Variants in NREP observed in about 807,000 individuals in gnomAD.
NREP encodes neuronal regeneration-related protein.
In NREP, 5 loss-of-function variants were observed where a neutral mutation model predicts 8.6. The ratio of observed to expected loss-of-function variants is 0.58; its 90% confidence interval spans 0.30 to 1.22. The LOEUF (loss-of-function observed/expected upper bound fraction) is 1.22. Ranked by LOEUF, NREP falls within the 50% of genes most tolerant of loss-of-function variation. The probability of loss-of-function intolerance (pLI) is 0.07; values close to 1 mark genes in which losing one functional copy is unlikely to be tolerated. For missense variants in NREP, 86 were observed against 82.5 expected (o/e 1.04, Z -0.17); for synonymous variants, 27 against 28.0 (o/e 0.96, Z 0.11).
At chr5:111,734,301 G>C (rs1394510697) in intron 3 of NREP, 2 of 157,520 alleles carry the variant, frequency 1.3e-5, no homozygotes, top group Non-Finnish European at 2.8e-5. Flanking sequence ...AATGTCTGTG[G>C]TTATACTGCT....
At position 111,788,022 on chromosome 5, in the gene NREP, G is replaced by C. The variant is rs543539414; in HGVS notation, c.136-52515C>G. Among the ~76,000 whole-genome samples, 7 of 152,124 alleles carry C rather than the reference G, an allele frequency of 4.6e-5. No homozygotes were observed. In the East Asian group the frequency reaches 7.7e-4, roughly 17 times the overall value. ...CTGGGAGGATTGTTTGAGCCCAGGAGGGGGAGTCTGCTGTAAACCATGATT... is the reference window on the plus strand; with the variant it reads ...CTGGGAGGATTGTTTGAGCCCAGGACGGGGAGTCTGCTGTAAACCATGATT... On this transcript the variant is annotated intron_variant, in intron 2 of 3. Coordinates refer to the NREP transcript ENST00000395634.
At chr5:111,814,195 G>T (rs985186944) in intron 2 of NREP, among the ~76,000 whole-genome samples, 3 of 152,068 alleles carry the variant, frequency 2.0e-5, no homozygotes, top group African/African-American at 4.8e-5. Flanking sequence ...AATGTCCTTA[G>T]ATTATTTGAT....
intron 2 of NREP, among the ~76,000 whole-genome samples, chr5:111,859,150 C>T (rs545035640): frequency 6.6e-6 from 1 of 152,238 alleles, no homozygotes; most frequent in East Asian, 1.9e-4. Flanking sequence ...ATTCCCAGTA[C>T]TTCAAATTAT....
chr5:111,954,377 T>G (rs1241975406), intron 2 of NREP, among the ~76,000 whole-genome samples: 1 of 152,160 alleles, frequency 6.6e-6, no homozygotes, highest in Non-Finnish European at 1.5e-5. Context: ...AGGAAATGCT[T>G]CACTGCACAC....
chr5:111,782,511 T>C (rs974582396), intron 2 of NREP, among the ~76,000 whole-genome samples: 10 of 152,212 alleles, frequency 6.6e-5, no homozygotes, highest in African/African-American at 2.2e-4. Context: ...CTCTTACATT[T>C]TGGGTATTTA....
At chr5:111,843,577 T>C (rs933111934) in intron 2 of NREP, among the ~76,000 whole-genome samples, 17 of 152,154 alleles carry the variant, frequency 1.1e-4, no homozygotes, top group African/African-American at 4.1e-4. Flanking sequence ...CGGGGCTTTA[T>C]TTTGTTCGTT....
intron 2 of NREP, among the ~76,000 whole-genome samples, chr5:111,922,716 G>A (rs1755279700): frequency 6.6e-6 from 1 of 152,174 alleles, no homozygotes; most frequent in Admixed American, 6.5e-5. Context: ...TTGGTGAAGA[G>A]TCTTAAGGAC....
At chr5:111,824,266 G>A (rs1752572519) in intron 2 of NREP, among the ~76,000 whole-genome samples, 2 of 152,340 alleles carry the variant, frequency 1.3e-5, no homozygotes, top group Non-Finnish European at 2.9e-5. Flanking sequence ...CTACTCGGGA[G>A]GCTGAGGCAG....
chr5:111,751,308 C>T (rs1750348495), intron 2 of NREP, among the ~76,000 whole-genome samples: 1 of 152,132 alleles, frequency 6.6e-6, no homozygotes, highest in South Asian at 2.1e-4. Context: ...TAGAATTTAG[C>T]TGAGAGCCGT....
chr5:111,728,804 A>G (rs1748315172), downstream of NREP: 1 of 152,052 alleles, frequency 6.6e-6, no homozygotes, highest in African/African-American at 2.4e-5. Flanking sequence ...AGCCTTAATG[A>G]CTTTAAATTC....
At chr5:111,845,991 C>A in intron 2 of NREP, 1 of 153,248 alleles carries the variant, frequency 6.5e-6, no homozygotes, top group Non-Finnish European at 1.5e-5. Context: ...AAAAGTACCA[C>A]CAGCTAGAAT....
At chr5:111,961,521 A>T (rs888759501) in intron 2 of NREP, among the ~76,000 whole-genome samples, 1 of 152,126 alleles carries the variant, frequency 6.6e-6, no homozygotes, top group Non-Finnish European at 1.5e-5. Context: ...AAAATATTCT[A>T]GTTTCATTTA....
chr5:111,814,378 T>G (rs1752338533), intron 2 of NREP, among the ~76,000 whole-genome samples: 1 of 152,144 alleles, frequency 6.6e-6, no homozygotes, highest in Non-Finnish European at 1.5e-5. Context: ...GGGTATGTTG[T>G]GGGCCAAAAT....
chr5:111,782,823 CT>C (rs1751524125), intron 2 of NREP, among the ~76,000 whole-genome samples: 1 of 151,852 alleles, frequency 6.6e-6, no homozygotes, highest in Non-Finnish European at 1.5e-5. Flanking sequence ...CAACTTCTGC[CT>C]CCTGGGTTCA....
chr5:111,798,504 A>C (rs1202597339), intron 2 of NREP, among the ~76,000 whole-genome samples: 1 of 152,048 alleles, frequency 6.6e-6, no homozygotes, highest in African/African-American at 2.4e-5. Flanking sequence ...GTAGTCTTTT[A>C]TTCCTTGCCA....
intron 2 of NREP, among the ~76,000 whole-genome samples, chr5:111,902,164 T>C (rs186017079): frequency 7.0e-4 from 107 of 152,176 alleles, no homozygotes; most frequent in African/African-American, 2.5e-3. Flanking sequence ...GCCAACTGAT[T>C]TTTCAACAAA....
intron 2 of NREP, among the ~76,000 whole-genome samples, chr5:111,903,563 C>G (rs919650648): frequency 2.6e-5 from 4 of 152,044 alleles, no homozygotes; most frequent in African/African-American, 9.7e-5. Context: ...ATAGTTTCAG[C>G]TGGGTATGGT....
At chr5:111,941,552 G>A (rs1206080281) in intron 2 of NREP, among the ~76,000 whole-genome samples, 1 of 152,032 alleles carries the variant, frequency 6.6e-6, no homozygotes, top group African/African-American at 2.4e-5. Flanking sequence ...ACTGTAACAG[G>A]CTCTGTAAAC....
At chr5:111,822,474 A>G (rs1225739248) in intron 2 of NREP, among the ~76,000 whole-genome samples, 8 of 152,232 alleles carry the variant, frequency 5.3e-5, no homozygotes. Context: ...ATCAATCGGG[A>G]TTCCTGAAAG....
Sources: gnomAD v4.1 joint callset for allele counts (sites outside exome capture counted in the v4.1 genomes callset) on GRCh38, gnomAD v4.1.1 for gene constraint, MANE v1.5 for transcripts, NCBI Gene and HGNC (gene_info 2026-07-23, HGNC 2026-07-21) for gene names.